The following CAPRIN1 variants were observed in gnomAD, a reference collection of about 807,000 sequenced individuals.
The protein encoded by CAPRIN1 is cell cycle associated protein 1.
Under a neutral mutation model 100.9 loss-of-function variants are expected in CAPRIN1, and 29 were observed. The observed-to-expected ratio is 0.29, with a 90% CI of 0.21 to 0.39. CAPRIN1 has a LOEUF of 0.39. Ranked by LOEUF, CAPRIN1 falls within the 10% of genes least tolerant of loss-of-function variation. CAPRIN1 has a pLI of 1.00. For missense variants in CAPRIN1, 795 were observed against 876.7 expected (o/e 0.91, Z 1.18); for synonymous variants, 338 against 307.5 (o/e 1.10, Z -1.04).
intron 2 of CAPRIN1, among the ~76,000 whole-genome samples, chr11:34,061,935 A>T (rs1190451575): frequency 1.5e-5 from 2 of 134,444 alleles, no homozygotes; most frequent in African/African-American, 5.7e-5. Flanking sequence ...GCACCACTAC[A>T]CTCCAGCATG....
intron 9 of CAPRIN1, among the ~76,000 whole-genome samples, chr11:34,085,684 A>G (rs963089733): frequency 2.0e-5 from 3 of 152,078 alleles, no homozygotes; most frequent in Non-Finnish European, 4.4e-5. Flanking sequence ...GGTGCCTGTA[A>G]TCCCAGCTAC....
At chr11:34,077,731 G>T (rs1387050766) in intron 6 of CAPRIN1, among the ~76,000 whole-genome samples, 2 of 152,132 alleles carry the variant, frequency 1.3e-5, no homozygotes, top group Non-Finnish European at 2.9e-5. Flanking sequence ...CACCAAAATG[G>T]TATGAGCTTT....
chr11:34,064,784 C>T (rs1264685383), intron 2 of CAPRIN1, among the ~76,000 whole-genome samples: 1 of 151,880 alleles, frequency 6.6e-6, no homozygotes, highest in Non-Finnish European at 1.5e-5. Context: ...GGTGGTAACC[C>T]CTAAGTGTTC....
chr11:34,083,106 G>A, intron 9 of CAPRIN1, 65 bp downstream of exon 9: 2 of 1,067,166 alleles, frequency 1.9e-6, no homozygotes, highest in Non-Finnish European at 2.9e-6. Context: ...TATCTCTACT[G>A]AGAACAAATT....
At position 34,097,299 on chromosome 11, in the gene CAPRIN1, A is replaced by G; in HGVS notation, c.2001+3A>G. 1 of 1,592,152 alleles carries G rather than the reference A, an allele frequency of 6.3e-7. No individual in the cohort carries two copies. The highest frequency in any genetic ancestry group is 2.2e-5 in the East Asian group (1 of 44,786). Reference sequence around the variant, plus strand: ...GGGATTACTCTGGCTATCAACGGGTAGGTAAAGTAGTTCTAAAGTGTAAAC... The same window carrying G: ...GGGATTACTCTGGCTATCAACGGGTGGGTAAAGTAGTTCTAAAGTGTAAAC... On this transcript the variant is annotated splice_donor_region_variant and intron_variant, in intron 17 of 18. Coordinates refer to ENST00000341394, the MANE Select transcript of CAPRIN1 (RefSeq NM_005898.5).
chr11:34,079,327 G>A (rs71480997), intron 6 of CAPRIN1, among the ~76,000 whole-genome samples: 1 of 152,166 alleles, frequency 6.6e-6, no homozygotes, highest in Non-Finnish European at 1.5e-5. Flanking sequence ...TTGAATCTGG[G>A]AGGCAGAGGT....
At position 34,101,571 on chromosome 11, in the gene CAPRIN1, ATGTT is replaced by A. The variant is rs1219442802; in HGVS notation, c.*2206_*2209del. ...GTTCATAGTTTGACTGTTTCTATGT[ATGTT>A]TTTTCAAAGAATTGTTCCTTTTTTT... is the stretch of plus-strand genomic sequence containing the variant. On this transcript the variant is annotated 3_prime_UTR_variant, in exon 19 of 19. Transcript: ENST00000341394. 2.6e-5 allele frequency among the ~76,000 whole-genome samples: 4 copies of A among 152,110 alleles called. No homozygotes were observed. The highest frequency in any genetic ancestry group is 1.3e-4 in the Admixed American group (2 of 15,276).
At chr11:34,062,689 T>G (rs1281796879) in intron 2 of CAPRIN1, among the ~76,000 whole-genome samples, 4 of 152,050 alleles carry the variant, frequency 2.6e-5, no homozygotes, top group Non-Finnish European at 5.9e-5. Flanking sequence ...AAGAAATATT[T>G]TGTTTTTGCA....
At chr11:34,097,433 G>A in intron 17 of CAPRIN1, 137 bp downstream of exon 17, 1 of 775,108 alleles carries the variant, frequency 1.3e-6, no homozygotes. Flanking sequence ...TGAAACAAAA[G>A]CTTTTAGCAC....
At chr11:34,054,711 CCT>C (rs1336191414) in intron 2 of CAPRIN1, among the ~76,000 whole-genome samples, 1 of 152,114 alleles carries the variant, frequency 6.6e-6, no homozygotes, top group African/African-American at 2.4e-5. Flanking sequence ...GGAGTGAGCC[CCT>C]GTGCCCGGCC....
intron 10 of CAPRIN1, 26 bp from the exon 11 acceptor site, chr11:34,086,279 T>G (rs1448924156): frequency 6.2e-7 from 1 of 1,609,494 alleles, no homozygotes; most frequent in Non-Finnish European, 8.5e-7. Context: ...TTATTTGACT[T>G]TATTCTATCC....
intron 2 of CAPRIN1, among the ~76,000 whole-genome samples, chr11:34,068,519 T>C (rs1170442274): frequency 6.6e-6 from 1 of 152,218 alleles, no homozygotes. Flanking sequence ...AAATTTGTTA[T>C]TGTGTAGAAA....
At chr11:34,086,460 A>AC in intron 11 of CAPRIN1, 47 bp downstream of exon 11, 1 of 1,088,388 alleles carries the variant, frequency 9.2e-7, no homozygotes, top group Non-Finnish European at 1.4e-6. Flanking sequence ...TAAGGCCAGT[A>AC]CTTTCAGGTT....
At chr11:34,061,582 T>G (rs1850579887) in intron 2 of CAPRIN1, among the ~76,000 whole-genome samples, 1 of 152,094 alleles carries the variant, frequency 6.6e-6, no homozygotes, top group African/African-American at 2.4e-5. Context: ...CAGCCTCTGC[T>G]TTAACCAGTC....
intron 11 of CAPRIN1, among the ~76,000 whole-genome samples, chr11:34,087,011 A>AC (rs1283407091): frequency 6.6e-6 from 1 of 152,208 alleles, no homozygotes; most frequent in African/African-American, 2.4e-5. Context: ...GGAAGAGAGA[A>AC]ACCACAAGAC....
intron 18 of CAPRIN1, chr11:34,098,467 C>T (rs1009526877): frequency 1.2e-4 from 121 of 984,676 alleles, no homozygotes; most frequent in Non-Finnish European, 1.4e-4. Flanking sequence ...TTCATGTAGT[C>T]TGAAATTCTA....
intron 2 of CAPRIN1, chr11:34,053,224 C>T (rs544130325): frequency 2.3e-6 from 2 of 872,290 alleles, no homozygotes; most frequent in East Asian, 1.2e-4. Context: ...TTGAATGGGT[C>T]TTCGATTTGC....
intron 17 of CAPRIN1, 117 bp downstream of exon 17, chr11:34,097,413 G>A (rs1851388538): frequency 1.2e-6 from 1 of 859,474 alleles, no homozygotes; most frequent in African/African-American, 1.7e-5. Context: ...TGGTGTCCAA[G>A]ACACTCTGTT....
intron 7 of CAPRIN1, 140 bp downstream of exon 7, chr11:34,079,905 GTTTTTT>G (rs377455073): frequency 7.8e-5 from 26 of 331,934 alleles, no homozygotes; most frequent in African/African-American, 6.3e-4. Context: ...GCATGACAAA[GTTTTTT>G]TTTTTTTTTT....
Sources: gnomAD v4.1 joint callset for allele counts (sites outside exome capture counted in the v4.1 genomes callset) on GRCh38, gnomAD v4.1.1 for gene constraint, MANE v1.5 for transcripts, NCBI Gene and HGNC (gene_info 2026-07-23, HGNC 2026-07-21) for gene names.